SLC26A7: variants seen among roughly 807,000 people sequenced by gnomAD.
SLC26A7 encodes solute carrier family 26 member 7.
In SLC26A7, 59 loss-of-function variants were observed where a neutral mutation model predicts 82.5. The observed-to-expected ratio is 0.72, with a 90% CI of 0.58 to 0.89. The LOEUF (loss-of-function observed/expected upper bound fraction) is 0.89. Among genes scored for constraint, SLC26A7 ranks in the 40% least tolerant of loss-of-function variants. SLC26A7 has a pLI of 0.00. For synonymous variants in SLC26A7, 271 were observed against 274.3 expected, an observed-to-expected ratio of 0.99 and a Z score of 0.12; for missense variants, 820 against 793.0, an observed-to-expected ratio of 1.03 and a Z score of -0.41.
At position 91,395,199 on chromosome 8, in the gene SLC26A7, A is replaced by G; in HGVS notation, c.*102A>G. ...TTTGGTTGTTTAGATCCTACAGATG[A>G]CCTCTGCTACAATAAGTACGATGTG... On this transcript the variant is annotated 3_prime_UTR_variant, in exon 19 of 19. Transcript: ENST00000276609. 1 of 1,572,768 alleles carries G rather than the reference A, an allele frequency of 6.4e-7. No homozygotes were observed. Among genetic ancestry groups the G allele is most frequent in the Non-Finnish European group, 8.6e-7 (1 of 1,161,626 alleles).
At position 91,352,973 on chromosome 8, in the gene SLC26A7, T is replaced by C. The variant is rs532960963; in HGVS notation, c.1291T>C (p.Trp431Arg). Residue 431 changes from tryptophan (W) to arginine (R), a missense_variant, in exon 11 of 19, where the codon TGG (tryptophan) becomes CGG (arginine). Physicochemically the swap from Trp to Arg is moderately radical, Grantham distance 101. Coordinates refer to ENST00000276609, the MANE Select transcript of SLC26A7 (RefSeq NM_052832.4). ...ACAGTTCCGAGATTTAAAAAAATAT[T>C]GGAATGTGGATAAAATCGATTGGGT... ...LIQFRDLKKYWNVDKIDWGIW... is the reference protein window; with the variant it reads ...LIQFRDLKKYRNVDKIDWGIW... The C allele has an allele frequency of 4.2e-5, 68 of 1,608,242 alleles. No homozygotes were observed. The highest frequency in any genetic ancestry group is 2.7e-4 in the Admixed American group (16 of 59,144).
intron 3 of SLC26A7, among the ~76,000 whole-genome samples, chr8:91,293,457 G>A (rs1412258329): frequency 6.6e-6 from 1 of 151,816 alleles, no homozygotes; most frequent in Non-Finnish European, 1.5e-5. Flanking sequence ...CCCTTGATTG[G>A]CCTTCATTAT....
rs139469740 is a variant in SLC26A7 at position 91,316,229 on chromosome 8, A to G, written c.478-1987A>G. Among the ~76,000 whole-genome samples the G allele has an allele frequency of 8.1e-3, 1,226 of 152,102 alleles. 8 individuals are homozygous for G. Among genetic ancestry groups the G allele is most frequent in the South Asian group, 0.018 (87 of 4,826 alleles). Reference sequence around the variant, plus strand: ...TCTTGATAAAGGAGATCTCGTTGTTATCCTTCCCTCCGATTTCTTTAAGAG... The same window carrying G: ...TCTTGATAAAGGAGATCTCGTTGTTGTCCTTCCCTCCGATTTCTTTAAGAG... On this transcript the variant is annotated intron_variant, in intron 4 of 18. Coordinates refer to ENST00000276609, the MANE Select transcript of SLC26A7 (RefSeq NM_052832.4).
At chr8:91,389,167 A>G (rs1036543454) in intron 15 of SLC26A7, among the ~76,000 whole-genome samples, 171 bp from the exon 16 acceptor site, 1 of 152,200 alleles carries the variant, frequency 6.6e-6, no homozygotes, top group Non-Finnish European at 1.5e-5. Context: ...GTAATACAAA[A>G]TCAGAGAGTT....
At chr8:91,357,430 G>A (rs1388249849) in intron 11 of SLC26A7, 1 of 151,936 alleles carries the variant, frequency 6.6e-6, no homozygotes, top group African/African-American at 2.4e-5. Flanking sequence ...TGTTTTGGGT[G>A]GATTTTAATA....
At chr8:91,345,877 A>T (rs1813548305) in intron 9 of SLC26A7, among the ~76,000 whole-genome samples, 1 of 152,186 alleles carries the variant, frequency 6.6e-6, no homozygotes, top group African/African-American at 2.4e-5. Flanking sequence ...TGTCTGAAAG[A>T]TAATAATTTG....
Position 91,395,228 on chromosome 8 carries a change from T to C in SLC26A7, c.*131T>C, listed in dbSNP as rs964323991. 5 of 1,496,938 alleles carry C rather than the reference T, an allele frequency of 3.3e-6. No individual in the cohort carries two copies. Among genetic ancestry groups the C allele is most frequent in the Non-Finnish European group, 4.4e-6 (5 of 1,125,042 alleles). 92.7% of individuals were successfully genotyped at this position (1,496,938 alleles called of 1,614,324 possible). ...CTGCTACAATAAGTACGATGTGACT[T>C]AGTAACTGCATAGCAGTTGGAAAGA... On this transcript the variant is annotated 3_prime_UTR_variant, in exon 19 of 19. Coordinates refer to ENST00000276609, the MANE Select transcript of SLC26A7 (RefSeq NM_052832.4).
chr8:91,285,721 G>T (rs1255009687), intron 2 of SLC26A7, among the ~76,000 whole-genome samples: 1 of 152,152 alleles, frequency 6.6e-6, no homozygotes, highest in African/African-American at 2.4e-5. Flanking sequence ...AATGGCTATG[G>T]TCTATAAAAT....
At chr8:91,387,477 G>A (rs577148402) in intron 15 of SLC26A7, among the ~76,000 whole-genome samples, 3 of 152,122 alleles carry the variant, frequency 2.0e-5, no homozygotes, top group Non-Finnish European at 2.9e-5. Context: ...AGAACAGAAG[G>A]CACTACTGGA....
intron 3 of SLC26A7, among the ~76,000 whole-genome samples, chr8:91,291,759 C>A (rs1563663614): frequency 6.6e-6 from 1 of 152,196 alleles, no homozygotes; most frequent in Non-Finnish European, 1.5e-5. Context: ...TTTTTAACAG[C>A]TGTCAGAATC....
intron 15 of SLC26A7, among the ~76,000 whole-genome samples, chr8:91,385,918 G>C (rs867818818): frequency 3.9e-5 from 6 of 152,224 alleles, no homozygotes; most frequent in Middle Eastern, 3.4e-3. Context: ...ATTAAATGCA[G>C]TTATCAATCT....
intron 15 of SLC26A7, among the ~76,000 whole-genome samples, chr8:91,375,177 A>T (rs929669480): frequency 6.6e-6 from 1 of 151,256 alleles, no homozygotes; most frequent in Non-Finnish European, 1.5e-5. Context: ...TTGGGTCTTT[A>T]AAAAAAAATC....
At chr8:91,345,960 T>A (rs1042053468) in intron 9 of SLC26A7, among the ~76,000 whole-genome samples, 2 of 152,144 alleles carry the variant, frequency 1.3e-5, no homozygotes, top group African/African-American at 4.8e-5. Context: ...TTGATTAATA[T>A]GGTTGGGATA....
chr8:91,267,785 T>A (rs779695308), intron 2 of SLC26A7, among the ~76,000 whole-genome samples: 1 of 151,762 alleles, frequency 6.6e-6, no homozygotes, highest in Non-Finnish European at 1.5e-5. Flanking sequence ...TGTTATTTCC[T>A]TTTACTAATT....
At chr8:91,259,501 C>G (rs1271289464) in intron 2 of SLC26A7, among the ~76,000 whole-genome samples, 3 of 152,036 alleles carry the variant, frequency 2.0e-5, no homozygotes, top group Non-Finnish European at 4.4e-5. Context: ...CTATAAATTG[C>G]CAACTTTCCT....
chr8:91,268,852 AT>A (rs1001422603), intron 2 of SLC26A7, among the ~76,000 whole-genome samples: 1 of 151,146 alleles, frequency 6.6e-6, no homozygotes, highest in Non-Finnish European at 1.5e-5. Context: ...TCCATTATAG[AT>A]TTTTTTGTGG....
Position 91,222,778 on chromosome 8 carries a change from C to T in SLC26A7, c.-34+3773C>T, listed in dbSNP as rs574381881. 7.9e-5 allele frequency among the ~76,000 whole-genome samples: 12 copies of T among 152,006 alleles called. No individual in the cohort carries two copies. The South Asian group carries it at 1.5e-3, about 18-fold the overall frequency. On this transcript the variant is annotated intron_variant, in intron 2 of 5. Transcript: ENST00000522862. ...TTGCCAGTGTTTTACTGAGGATTTTCGCATCCATGTTCATCAGTTTTCTTT... is the reference window on the plus strand; with the variant it reads ...TTGCCAGTGTTTTACTGAGGATTTTTGCATCCATGTTCATCAGTTTTCTTT...
intron 1 of SLC26A7, among the ~76,000 whole-genome samples, chr8:91,215,183 A>G (rs758039936): frequency 2.0e-5 from 3 of 152,124 alleles, no homozygotes; most frequent in Non-Finnish European, 4.4e-5. Context: ...GGTGACATGC[A>G]TATTCATGAA....
intron 2 of SLC26A7, among the ~76,000 whole-genome samples, chr8:91,253,815 C>T (rs1810726831): frequency 6.6e-6 from 1 of 152,080 alleles, no homozygotes; most frequent in Non-Finnish European, 1.5e-5. Context: ...GCTCTGGAAA[C>T]AAGACAATGT....
Sources: allele counts gnomAD v4.1 joint callset (sites outside exome capture counted in the v4.1 genomes callset), GRCh38; gene constraint gnomAD v4.1.1; transcripts MANE v1.5; gene names NCBI Gene and HGNC (gene_info 2026-07-23, HGNC 2026-07-21).